VPS28: variants seen among roughly 807,000 people sequenced by gnomAD.
The protein encoded by VPS28 is vacuolar protein sorting-associated protein 28 homolog.
VPS28 carries 29 observed loss-of-function variants against 33.7 expected under a neutral mutation model. The ratio of observed to expected loss-of-function variants is 0.86; its 90% CI spans 0.64 to 1.17. The LOEUF is 1.17. VPS28 is among the 50% of genes most tolerant of loss of function. The probability of loss-of-function intolerance (pLI) is 0.00; values close to 1 mark genes in which losing one functional copy is unlikely to be tolerated. For missense variants in VPS28, 247 were observed against 312.2 expected (o/e 0.79, Z 1.57); for synonymous variants, 164 against 116.7 (o/e 1.40, Z -2.61).
chr8:144,426,732 T>C, intron 2 of VPS28, 177 bp downstream of exon 2: 4 of 656,416 alleles, frequency 6.1e-6, no homozygotes, highest in South Asian at 3.8e-5. Context: ...GCCAGTTCTG[T>C]CTGGAGGTTT....
In VPS28 at chr8:144,424,794, C is replaced by G. The variant is rs782001806; in HGVS notation, c.326G>C (p.Arg109Pro). Residue 109 changes from arginine (R) to proline (P), a missense_variant, in exon 7 of 10, where the codon CGG becomes CCG. Around this residue, in one of 3 missense-constraint regions of VPS28, gnomAD observed 149 missense variants for 172.8 expected, o/e 0.86. Coordinates refer to ENST00000292510, the MANE Select transcript of VPS28 (RefSeq NM_016208.4). Reference protein sequence around the residue: ...FRLDCPLAMERIKEDRPITIK... With the variant: ...FRLDCPLAMEPIKEDRPITIK... ...GGTGATGGGCCGGTCCTCCTTGATC[C>G]GCTCCATGGCCAGCGGGCAGTCCAG... 2 of 1,613,890 alleles carry G rather than the reference C, an allele frequency of 1.2e-6. No individual in the cohort carries two copies. Among genetic ancestry groups the G allele is most frequent in the Admixed American group, 3.3e-5 (2 of 60,004 alleles).
In VPS28 at chr8:144,426,668, AC is replaced by A. The variant is rs1822773908; in HGVS notation, c.37+240del. The A allele has an allele frequency of 5.8e-6, 3 of 519,674 alleles. No homozygotes were observed. The South Asian group carries it at 7.0e-5, about 12-fold the overall frequency. 32.2% of individuals were successfully genotyped at this position (519,674 alleles called of 1,614,324 possible). On this transcript the variant is annotated intron_variant, in intron 2 of 9. Coordinates refer to ENST00000292510, the MANE Select transcript of VPS28 (RefSeq NM_016208.4). ...GGATTGGTGACACAGGGTGCCCAGG[AC>A]CCCCACCGTTCTGGCCACACCGAAG...
rs1564717361 is a variant in VPS28 at position 144,424,228 on chromosome 8, CG to C, written c.442del (p.Arg148AlafsTer13). 1.2e-6 allele frequency: 2 copies of C among 1,605,684 alleles called. No homozygotes were observed. The highest frequency in any genetic ancestry group is 1.7e-5 in the Admixed American group (1 of 59,008). ...CAATACCCGCACCTCATCCATGGCG[CG>C]GATCTCCAGACGCAGCTTGTCCATG... ...TVMDKLRLEI[R>X]AMDEIQPDLR... On this transcript the variant is annotated frameshift_variant, in exon 8 of 10. Transcript: ENST00000292510. LOFTEE classifies it high-confidence loss of function.
chr8:144,424,880 C>T, intron 6 of VPS28, 61 bp from the exon 7 acceptor site: 1 of 1,609,474 alleles, frequency 6.2e-7, no homozygotes, highest in South Asian at 1.1e-5. Flanking sequence ...TGGCCAGAGC[C>T]CTCTGGCACC....
Position 144,428,500 on chromosome 8 carries a change from G to T in VPS28, c.-46C>A, listed in dbSNP as rs1318257209. 1 of 152,240 alleles carries T rather than the reference G, an allele frequency of 6.6e-6. No individual in the cohort carries two copies. The highest frequency in any genetic ancestry group is 1.5e-5 in the Non-Finnish European group (1 of 68,050). 9.4% of individuals were successfully genotyped at this position (152,240 alleles called of 1,614,324 possible). A position where few individuals can be genotyped will look rare whatever the true frequency, so the allele number is the denominator to read the frequency against. The stretch of plus-strand genomic sequence containing the variant: ...CGGGCCCCGGGTACCTGGACGGCTC[G>T]CGGTCGGGAAGATGGCGCCGGGGGC... On this transcript the variant is annotated 5_prime_UTR_variant, in exon 1 of 10. Coordinates refer to ENST00000292510, the MANE Select transcript of VPS28 (RefSeq NM_016208.4).
chr8:144,425,413 C>T, intron 5 of VPS28: 3 of 576,728 alleles, frequency 5.2e-6, no homozygotes, highest in East Asian at 2.9e-5. Context: ...GGGACATCCC[C>T]AAGCCTCTCG....
At chr8:144,424,379 G>C in intron 7 of VPS28, 111 bp from the exon 8 acceptor site, 3 of 1,397,244 alleles carry the variant, frequency 2.1e-6, no homozygotes, top group Non-Finnish European at 2.9e-6. Flanking sequence ...CCTCCTCACT[G>C]TACTCTGTTC....
intron 1 of VPS28, among the ~76,000 whole-genome samples, chr8:144,427,666 C>A (rs1554877183): frequency 6.6e-6 from 1 of 152,070 alleles, no homozygotes; most frequent in African/African-American, 2.4e-5. Flanking sequence ...AGAGGGGGTC[C>A]TAGGGAATGA....
In VPS28 at chr8:144,424,740, C is replaced by T. The variant is rs782639110; in HGVS notation, c.380G>A (p.Arg127His). 1.9e-6 allele frequency: 3 copies of T among 1,613,052 alleles called. No homozygotes were observed. Among genetic ancestry groups the T allele is most frequent in the South Asian group, 2.2e-5 (2 of 91,084 alleles). The stretch of plus-strand genomic sequence containing the variant: ...CACCGAGACCACGTCTGCGATGCAG[C>T]GGTTGAGGTTGCCCTTGTCGTCCTT... ...TIKDDKGNLNRCIADVVSLFI... is the reference protein window; with the variant it reads ...TIKDDKGNLNHCIADVVSLFI... Residue 127 changes from arginine (R) to histidine (H), a missense_variant, in exon 7 of 10, where the codon CGC becomes CAC. By Grantham distance (29) the Arg-to-His change is conservative. Transcript: ENST00000292510.
chr8:144,423,629 G>T lies in VPS28; in HGVS notation c.*176C>A. 1 of 783,322 alleles carries T rather than the reference G, an allele frequency of 1.3e-6. No individual in the cohort carries two copies. Among genetic ancestry groups the T allele is most frequent in the Non-Finnish European group, 2.1e-6 (1 of 485,060 alleles). The allele number at this position is 783,322 out of a possible 1,614,324, so 48.5% of individuals were successfully genotyped here. On this transcript the variant is annotated 3_prime_UTR_variant, in exon 10 of 10. Transcript: ENST00000292510. ...GCCACCCAAGCAGGAAGGTCGGAGA[G>T]CATCTTTATTGTGGGGAGGGGCCCG...
chr8:144,426,513 G>A (rs980438923), intron 2 of VPS28: 5 of 432,110 alleles, frequency 1.2e-5, no homozygotes, highest in Admixed American at 4.3e-5. Context: ...CCGGGGGACC[G>A]CATGACAGGC....
Position 144,424,946 on chromosome 8 carries a change from G to C in VPS28, c.300C>G (p.Arg100=). 6.3e-7 allele frequency: 1 copy of C among 1,579,660 alleles called. No individual in the cohort carries two copies. Among genetic ancestry groups the C allele is most frequent in the African/African-American group, 1.3e-5 (1 of 74,318 alleles). Reference sequence around the variant, plus strand: ...GGGGGTGGAAGGACCAGGCACTCACGCGGAACTTGCGGCAGAATTCGTCAA... The same window carrying C: ...GGGGGTGGAAGGACCAGGCACTCACCCGGAACTTGCGGCAGAATTCGTCAA... ...SSIDEFCRKF[R]LDCPLAMERI... The change falls in exon 6 of 10, where the codon CGC becomes CGG. Residue 100 remains arginine, a splice_region_variant and synonymous_variant. Transcript: ENST00000292510.
Position 144,423,785 on chromosome 8 carries a change from C to G in VPS28, c.*20G>C. ...TCGCCTCAGACTCTGCCCTTCTGTG[C>G]AAGGGCTAGTGCCCCGGGCTCAGGC... On this transcript the variant is annotated 3_prime_UTR_variant, in exon 10 of 10. Coordinates refer to ENST00000292510, the MANE Select transcript of VPS28 (RefSeq NM_016208.4). 6.2e-7 allele frequency: 1 copy of G among 1,612,964 alleles called. No individual in the cohort carries two copies. Among genetic ancestry groups the G allele is most frequent in the Non-Finnish European group, 8.5e-7 (1 of 1,179,926 alleles).
intron 1 of VPS28, 140 bp downstream of exon 1, chr8:144,428,349 C>T (rs1200729094): frequency 2.6e-5 from 4 of 152,288 alleles, no homozygotes; most frequent in African/African-American, 9.6e-5. Context: ...AAGCCAGTTT[C>T]TAGAACATGC....
At chr8:144,424,572 C>A in intron 7 of VPS28, 146 bp downstream of exon 7, 1 of 947,372 alleles carries the variant, frequency 1.1e-6, no homozygotes, top group Non-Finnish European at 1.6e-6. Context: ...TGCTGCCCAC[C>A]CCTCATTCCT....
intron 7 of VPS28, 191 bp downstream of exon 7, chr8:144,424,526 CG>C (rs1822587650): frequency 1.3e-6 from 1 of 799,678 alleles, no homozygotes; most frequent in East Asian, 2.7e-5. Flanking sequence ...CTCATCCCCC[CG>C]ACAGGAGTCC....
intron 2 of VPS28, 189 bp from the exon 3 acceptor site, chr8:144,426,397 C>A: frequency 1.4e-6 from 1 of 723,686 alleles, no homozygotes; most frequent in Admixed American, 3.6e-5. Flanking sequence ...GATGATAACA[C>A]CTCTGAGAAG....
intron 2 of VPS28, 128 bp from the exon 3 acceptor site, chr8:144,426,336 G>C: frequency 7.7e-7 from 1 of 1,293,720 alleles, no homozygotes; most frequent in Non-Finnish European, 1.0e-6. Flanking sequence ...CCCAGAGGGA[G>C]CTGGAGCACA....
rs782020130 is a variant in VPS28 at position 144,424,897 on chromosome 8, C to G, written c.300+49G>C. 4 of 1,610,882 alleles carry G rather than the reference C, an allele frequency of 2.5e-6. No individual in the cohort carries two copies. In the South Asian group the frequency reaches 3.3e-5, roughly 13 times the overall value. On this transcript the variant is annotated intron_variant, in intron 6 of 9. Transcript: ENST00000292510. ...GCCAGAGCCCTCTGGCACCCCATAC[C>G]CATGCCCGACAGTCTCGCCCCATGG...
Sources: allele counts gnomAD v4.1 joint callset (sites outside exome capture counted in the v4.1 genomes callset), GRCh38; gene constraint gnomAD v4.1.1; regional missense constraint gnomAD v4.1.1; transcripts MANE v1.5; gene names NCBI Gene and HGNC (gene_info 2026-07-23, HGNC 2026-07-21).